SLC6A11: variants seen among roughly 807,000 people sequenced by gnomAD.
The protein encoded by SLC6A11 is sodium- and chloride-dependent GABA transporter 3.
SLC6A11 carries 25 observed loss-of-function variants against 74.8 expected under a neutral mutation model. That is an observed-to-expected ratio of 0.33 (90% CI 0.24 to 0.47). The LOEUF (loss-of-function observed/expected upper bound fraction) is 0.47. Ranked by LOEUF, SLC6A11 falls within the 20% of genes least tolerant of loss-of-function variation. The probability of loss-of-function intolerance (pLI) is 1.00; values close to 1 mark genes in which losing one functional copy is unlikely to be tolerated. For missense variants in SLC6A11, 574 were observed against 837.0 expected (o/e 0.69, Z 3.88); for synonymous variants, 330 against 330.2 (o/e 1.00, Z 0.01).
At chr3:10,864,441 G>A (rs1383780354) in intron 5 of SLC6A11, among the ~76,000 whole-genome samples, 1 of 151,760 alleles carries the variant, frequency 6.6e-6, no homozygotes, top group African/African-American at 2.4e-5. Flanking sequence ...CCTCAATGGA[G>A]AGCCCCCAAG....
Position 10,844,393 on chromosome 3 carries a change from G to A in SLC6A11, c.756+47G>A, listed in dbSNP as rs368885603. ...AGCTAACCGTGGCAGGGGAAGGCAC[G>A]AGCTCACAGATGACCTAGAGAGTAA... On this transcript the variant is annotated intron_variant, in intron 5 of 13. Coordinates refer to ENST00000254488, the MANE Select transcript of SLC6A11 (RefSeq NM_014229.3). The A allele has an allele frequency of 2.7e-5, 43 of 1,611,842 alleles. No individual in the cohort carries two copies. In the African/African-American group the frequency reaches 4.4e-4, roughly 16 times the overall value.
chr3:10,873,574 C>CCTACCCTACG (rs1308713298), intron 5 of SLC6A11, among the ~76,000 whole-genome samples: 1 of 123,918 alleles, frequency 8.1e-6, no homozygotes, highest in East Asian at 2.7e-4. Context: ...CCTACCCTAC[C>CCTACCCTACG]CTACCCTACG....
chr3:10,847,256 ATACC>A (rs1301921592), intron 5 of SLC6A11, among the ~76,000 whole-genome samples: 1 of 152,208 alleles, frequency 6.6e-6, no homozygotes, highest in African/African-American at 2.4e-5. Flanking sequence ...GGCTACTGTC[ATACC>A]TGTCATCTGC....
intron 6 of SLC6A11, among the ~76,000 whole-genome samples, chr3:10,893,482 C>G (rs1695131144): frequency 6.6e-6 from 1 of 152,080 alleles, no homozygotes; most frequent in South Asian, 2.1e-4. Context: ...ACAACTGATC[C>G]CAGAAAACTC....
In SLC6A11 at chr3:10,879,109, G is replaced by A. The variant is rs191113467; in HGVS notation, c.891+4014G>A. On this transcript the variant is annotated intron_variant, in intron 6 of 13. Coordinates refer to ENST00000254488, the MANE Select transcript of SLC6A11 (RefSeq NM_014229.3). ...CTTAAATGTTTGTTGAATGATAGGAGTAAGGGCTATTTTCATTTTTCACAA... is the reference window on the plus strand; with the variant it reads ...CTTAAATGTTTGTTGAATGATAGGAATAAGGGCTATTTTCATTTTTCACAA... 6.6e-4 allele frequency among the ~76,000 whole-genome samples: 100 copies of A among 152,286 alleles called. No homozygotes were observed. The Middle Eastern group carries it at 0.031, about 47-fold the overall frequency.
chr3:10,886,927 A>C (rs1379496053), intron 6 of SLC6A11, among the ~76,000 whole-genome samples: 1 of 152,084 alleles, frequency 6.6e-6, no homozygotes, highest in African/African-American at 2.4e-5. Context: ...TGATGTGTTC[A>C]TTGTTAATAT....
At position 10,934,886 on chromosome 3, in the gene SLC6A11, G is replaced by T. The variant is rs1045317851; in HGVS notation, c.1576-143G>T. The stretch of plus-strand genomic sequence containing the variant: ...CTCAAGCTCACTGTGGTCCTGGCAG[G>T]GCCTCACTTTTCATGGCTGTGAAAC... On this transcript the variant is annotated intron_variant, in intron 12 of 13. Transcript: ENST00000254488. The T allele has an allele frequency of 8.5e-6, 6 of 705,404 alleles. No individual in the cohort carries two copies. The African/African-American group carries it at 1.1e-4, about 13-fold the overall frequency. The allele number at this position is 705,404 out of a possible 1,614,324, so 43.7% of individuals were successfully genotyped here. A position where few individuals can be genotyped will look rare whatever the true frequency, so the allele number is the denominator to read the frequency against.
At chr3:10,817,736 C>T (rs1694081881) in intron 1 of SLC6A11, among the ~76,000 whole-genome samples, 1 of 152,150 alleles carries the variant, frequency 6.6e-6, no homozygotes, top group African/African-American at 2.4e-5. Flanking sequence ...TCTTTGGGGA[C>T]ATTCATCCTG....
chr3:10,867,542 C>A (rs1325940625), intron 5 of SLC6A11, among the ~76,000 whole-genome samples: 1 of 152,172 alleles, frequency 6.6e-6, no homozygotes, highest in Admixed American at 6.5e-5. Flanking sequence ...AAGGTTCAAC[C>A]CAAATCCGTG....
intron 6 of SLC6A11, among the ~76,000 whole-genome samples, chr3:10,889,899 GGAGA>G (rs148995401): frequency 6.6e-6 from 1 of 151,412 alleles, no homozygotes; most frequent in Non-Finnish European, 1.5e-5. Flanking sequence ...ATGCCAGGGG[GGAGA>G]GAGAGAGAGA....
intron 4 of SLC6A11, among the ~76,000 whole-genome samples, chr3:10,827,900 G>C (rs1694236027): frequency 6.6e-6 from 1 of 152,150 alleles, no homozygotes; most frequent in African/African-American, 2.4e-5. Context: ...TGCTGGCTTA[G>C]CCCACGAGAG....
At chr3:10,886,404 C>T (rs1695043363) in intron 6 of SLC6A11, among the ~76,000 whole-genome samples, 1 of 152,194 alleles carries the variant, frequency 6.6e-6, no homozygotes, top group Admixed American at 6.5e-5. Flanking sequence ...TTGCAGGGCT[C>T]TGACTTCTGC....
At chr3:10,916,938 T>A (rs970360995) in intron 7 of SLC6A11, among the ~76,000 whole-genome samples, 1 of 152,162 alleles carries the variant, frequency 6.6e-6, no homozygotes, top group Admixed American at 6.5e-5. Context: ...GGCAACAGGG[T>A]GTTAACAACC....
chr3:10,843,701 C>G (rs1694466778), intron 4 of SLC6A11, among the ~76,000 whole-genome samples: 1 of 152,176 alleles, frequency 6.6e-6, no homozygotes, highest in South Asian at 2.1e-4. Context: ...AAGGCTCTGT[C>G]TTGACACAGG....
chr3:10,879,555 G>A (rs1694950388), intron 6 of SLC6A11, among the ~76,000 whole-genome samples: 1 of 152,148 alleles, frequency 6.6e-6, no homozygotes. Flanking sequence ...TCAATCACAG[G>A]TTGCACCCGC....
At chr3:10,830,140 C>T (rs974466976) in intron 4 of SLC6A11, among the ~76,000 whole-genome samples, 1 of 152,020 alleles carries the variant, frequency 6.6e-6, no homozygotes, top group Non-Finnish European at 1.5e-5. Context: ...GGCTGGGGAA[C>T]CCTGGATACC....
intron 4 of SLC6A11, chr3:10,825,286 A>G (rs1346912216): frequency 6.6e-6 from 1 of 152,132 alleles, no homozygotes; most frequent in African/African-American, 2.4e-5. Context: ...TTGTTTTGCC[A>G]GTGTAATGGG....
intron 6 of SLC6A11, among the ~76,000 whole-genome samples, chr3:10,889,430 C>T (rs896408325): frequency 6.6e-6 from 1 of 152,142 alleles, no homozygotes; most frequent in African/African-American, 2.4e-5. Context: ...TTTTCCTGCC[C>T]TAGATATCCC....
At chr3:10,859,087 C>T (rs1368634763) in intron 5 of SLC6A11, among the ~76,000 whole-genome samples, 1 of 152,170 alleles carries the variant, frequency 6.6e-6, no homozygotes, top group Non-Finnish European at 1.5e-5. Context: ...CCAGGGGATT[C>T]TATGACCAAG....
Sources: gnomAD v4.1 joint callset for allele counts (sites outside exome capture counted in the v4.1 genomes callset) on GRCh38, gnomAD v4.1.1 for gene constraint, MANE v1.5 for transcripts, NCBI Gene and HGNC (gene_info 2026-07-23, HGNC 2026-07-21) for gene names.